CPS1: variants seen among roughly 807,000 people sequenced by gnomAD.
CPS1 encodes carbamoyl-phosphate synthase 1, also known as carbamoyl-phosphate synthase [ammonia], mitochondrial.
A neutral mutation model predicts 174.6 loss-of-function variants in CPS1; 109 were observed. The ratio of observed to expected loss-of-function variants is 0.62; its 90% CI spans 0.53 to 0.73. The LOEUF is 0.73. Ranked by LOEUF, CPS1 falls within the 30% of genes least tolerant of loss-of-function variation. CPS1 has a pLI of 0.00. For synonymous variants in CPS1, 637 were observed against 632.0 expected, an observed-to-expected ratio of 1.01 and a Z score of -0.12; for missense variants, 1,689 against 1,821.9, an observed-to-expected ratio of 0.93 and a Z score of 1.33.
Position 210,590,148 on chromosome 2 carries a change from A to G in CPS1, c.754A>G (p.Thr252Ala), listed in dbSNP as rs866921933. The G allele has an allele frequency of 6.2e-6, 10 of 1,612,764 alleles. No individual in the cohort carries two copies. In the African/African-American group the frequency reaches 9.4e-5, roughly 15 times the overall value. The stretch of plus-strand genomic sequence containing the variant: ...CTTAGTTCCCTGGAACCATGATTTC[A>G]CCAAGATGGAGTATGATGGGATTTT... ...VHLVPWNHDF[T>A]KMEYDGILIA... The change falls in exon 8 of 38, where the codon ACC becomes GCC. Residue 252 changes from threonine to alanine, a missense_variant. Thr to Ala is a moderately conservative substitution (Grantham distance 58). Coordinates refer to ENST00000233072, the MANE Select transcript of CPS1 (RefSeq NM_001875.5).
chr2:210,482,540 G>A lies in CPS1; in HGVS notation c.3+4774G>A, dbSNP rs561118795. Among the ~76,000 whole-genome samples, 499 of 151,988 alleles carry A rather than the reference G, an allele frequency of 3.3e-3. 2 individuals are homozygous for A. Among genetic ancestry groups the A allele is most frequent in the Non-Finnish European group, 5.6e-3 (381 of 67,978 alleles). On this transcript the variant is annotated intron_variant, in intron 1 of 38. Transcript: ENST00000430249. The stretch of plus-strand genomic sequence containing the variant: ...GCTGATCCGCCTGGCCAAGTGATCC[G>A]CCCGCCTCAGCTTCCCAAAGTACTG...
At chr2:210,500,906 G>A (rs1695121656) in intron 1 of CPS1, among the ~76,000 whole-genome samples, 1 of 152,190 alleles carries the variant, frequency 6.6e-6, no homozygotes, top group Admixed American at 6.5e-5. Context: ...TTCTCCATGA[G>A]GGCTCTAACC....
intron 19 of CPS1, among the ~76,000 whole-genome samples, chr2:210,610,555 A>G (rs998603071): frequency 6.6e-6 from 1 of 151,926 alleles, no homozygotes; most frequent in African/African-American, 2.4e-5. Flanking sequence ...ATGCTATGAG[A>G]ATATAGTAGA....
At chr2:210,491,250 T>G (rs532501061) in intron 1 of CPS1, among the ~76,000 whole-genome samples, 1 of 151,946 alleles carries the variant, frequency 6.6e-6, no homozygotes, top group South Asian at 2.1e-4. Context: ...CAGGAATGAT[T>G]TAACTGTTGG....
chr2:210,477,693 ATAGTTGCTTTCTTAGGAAATG>A, exon 1 of CPS1: 4 of 1,600,578 alleles, frequency 2.5e-6, no homozygotes, highest in Non-Finnish European at 3.4e-6. Context: ...CTCTTTTAAA[ATAGTTGCTTTCTTAGGAAATG>A]TAGTTGCTTT....
chr2:210,591,134 C>T (rs1698283062), intron 9 of CPS1, among the ~76,000 whole-genome samples: 1 of 151,510 alleles, frequency 6.6e-6, no homozygotes, highest in African/African-American at 2.4e-5. Flanking sequence ...TACCTGATAC[C>T]ACTTTTGTTG....
intron 21 of CPS1, among the ~76,000 whole-genome samples, chr2:210,620,664 A>C (rs1420971269): frequency 1.3e-5 from 2 of 151,972 alleles, no homozygotes; most frequent in Non-Finnish European, 2.9e-5. Context: ...AGCCAGAGAG[A>C]GGGAGTCGGT....
At chr2:210,612,413 T>C in intron 20 of CPS1, 120 bp downstream of exon 20, 1 of 977,884 alleles carries the variant, frequency 1.0e-6, no homozygotes, top group Admixed American at 1.9e-5. Context: ...GGAAAATTTT[T>C]AATTCTTTTA....
intron 1 of CPS1, among the ~76,000 whole-genome samples, chr2:210,543,165 A>C (rs1385566804): frequency 1.3e-5 from 2 of 152,194 alleles, no homozygotes; most frequent in Non-Finnish European, 2.9e-5. Flanking sequence ...CAGGTCTACC[A>C]CAGTTAGCTT....
chr2:210,628,753 T>C (rs995239429), intron 21 of CPS1, among the ~76,000 whole-genome samples: 1 of 151,364 alleles, frequency 6.6e-6, no homozygotes, highest in African/African-American at 2.4e-5. Context: ...TGAGCCAAGA[T>C]CACGCCACTG....
chr2:210,605,604 G>T (rs1264711326), intron 17 of CPS1, among the ~76,000 whole-genome samples: 1 of 151,788 alleles, frequency 6.6e-6, no homozygotes, highest in East Asian at 2.0e-4. Flanking sequence ...GAGAAAATAG[G>T]CACAATAATA....
In CPS1 at chr2:210,594,544, G is replaced by A. The variant is rs760895692; in HGVS notation, c.1201G>A (p.Gly401Arg). The change falls in exon 12 of 38, where the codon GGA becomes AGA. Residue 401 changes from glycine (G) to arginine (R), a missense_variant. By Grantham distance (125) the Gly-to-Arg change is moderately radical. Transcript: ENST00000233072. ...TTCCTTTTTCTCACTGATAAAGAAA[G>A]GAAAAGCTACCACCATTACATCAGT... Reference protein sequence around the residue: ...FDSFFSLIKKGKATTITSVLP... With the variant: ...FDSFFSLIKKRKATTITSVLP... 1.2e-6 allele frequency: 2 copies of A among 1,611,034 alleles called. No homozygotes were observed. The highest frequency in any genetic ancestry group is 1.7e-6 in the Non-Finnish European group (2 of 1,178,244).
intron 17 of CPS1, 94 bp downstream of exon 17, chr2:210,605,340 C>A: frequency 7.3e-7 from 1 of 1,365,782 alleles, no homozygotes. Context: ...CTTTAAATTA[C>A]TATTTCTAGT....
intron 20 of CPS1, among the ~76,000 whole-genome samples, chr2:210,614,827 G>A (rs924415598): frequency 1.3e-5 from 2 of 151,734 alleles, no homozygotes; most frequent in Non-Finnish European, 2.9e-5. Context: ...AAGTGGGAGT[G>A]GAACAATGAG....
At chr2:210,514,104 A>T (rs1351213698) in intron 1 of CPS1, among the ~76,000 whole-genome samples, 2 of 151,926 alleles carry the variant, frequency 1.3e-5, no homozygotes, top group Non-Finnish European at 2.9e-5. Context: ...TATAGTTTTA[A>T]GTTGGGTGAT....
At chr2:210,643,216 T>C (rs1214087143) in intron 25 of CPS1, among the ~76,000 whole-genome samples, 1 of 152,196 alleles carries the variant, frequency 6.6e-6, no homozygotes, top group Non-Finnish European at 1.5e-5. Flanking sequence ...TAGCTTTCAC[T>C]TACAGTTGTT....
rs187304632 is a variant in CPS1 at position 210,590,090 on chromosome 2, T to C, written c.712-16T>C. The stretch of plus-strand genomic sequence containing the variant: ...AACATGTTATTAAATTCATCATTCT[T>C]GTGTCTCTTTTCCAGCGAGGAGCTG... On this transcript the variant is annotated splice_polypyrimidine_tract_variant and intron_variant, in intron 7 of 37. Coordinates refer to ENST00000233072, the MANE Select transcript of CPS1 (RefSeq NM_001875.5). 1,267 of 1,612,582 alleles carry C rather than the reference T, an allele frequency of 7.9e-4. 8 individuals are homozygous for C. The African/African-American group carries it at 0.014, about 18-fold the overall frequency.
chr2:210,653,257 A>C (rs1700611858), intron 28 of CPS1, among the ~76,000 whole-genome samples: 1 of 152,112 alleles, frequency 6.6e-6, no homozygotes, highest in Admixed American at 6.6e-5. Flanking sequence ...ACAGAGGAGA[A>C]GATATCTAAA....
Position 210,605,311 on chromosome 2 carries a change from G to C in CPS1, c.1981+65G>C. On this transcript the variant is annotated intron_variant, in intron 17 of 37. Coordinates refer to ENST00000233072, the MANE Select transcript of CPS1 (RefSeq NM_001875.5). ...GTTCATGTCTTTGATGGCCAAGGCA[G>C]TCTTTATAAAGTTGTTGCCTTTAAA... is the stretch of plus-strand genomic sequence containing the variant. 1.9e-6 allele frequency: 3 copies of C among 1,574,984 alleles called. No homozygotes were observed. In the South Asian group the frequency reaches 3.3e-5, roughly 17 times the overall value.
Sources: gnomAD v4.1 joint callset for allele counts (sites outside exome capture counted in the v4.1 genomes callset) on GRCh38, gnomAD v4.1.1 for gene constraint, MANE v1.5 for transcripts, NCBI Gene and HGNC (gene_info 2026-07-23, HGNC 2026-07-21) for gene names.